Variants in PACSIN2 observed in about 807,000 individuals in gnomAD.
PACSIN2 encodes protein kinase C and casein kinase substrate in neurons 2.
PACSIN2 carries 25 observed loss-of-function variants against 63.8 expected under a neutral mutation model. That is an observed-to-expected ratio of 0.39 (90% CI 0.29 to 0.55). PACSIN2 has a LOEUF of 0.55. PACSIN2 is among the 20% of genes least tolerant of loss of function. The pLI is 0.62. For synonymous variants in PACSIN2, 255 were observed against 256.2 expected (o/e 1.00, Z 0.05); for missense variants, 518 against 646.9 (o/e 0.80, Z 2.16).
intron 1 of PACSIN2, among the ~76,000 whole-genome samples, chr22:43,012,633 T>C (rs1040742043): frequency 5.9e-5 from 9 of 151,760 alleles, no homozygotes; most frequent in African/African-American, 2.2e-4. Flanking sequence ...ATTACACGTG[T>C]GCACCACTAC....
chr22:42,976,718 A>G (rs891335656), intron 1 of PACSIN2, among the ~76,000 whole-genome samples: 8 of 152,352 alleles, frequency 5.3e-5, no homozygotes, highest in African/African-American at 1.9e-4. Flanking sequence ...CTGAGCACTT[A>G]TTATGCACCA....
At chr22:42,998,284 T>C (rs1407247181) in intron 1 of PACSIN2, among the ~76,000 whole-genome samples, 3 of 152,222 alleles carry the variant, frequency 2.0e-5, no homozygotes, top group Non-Finnish European at 4.4e-5. Flanking sequence ...TCTTTGCTGC[T>C]GCAGGGATTT....
In PACSIN2 at chr22:42,893,484, G is replaced by A. The variant is rs1569232586; in HGVS notation, c.190C>T (p.Arg64Trp). The A allele has an allele frequency of 6.2e-6, 10 of 1,613,742 alleles. No homozygotes were observed. The highest frequency in any genetic ancestry group is 1.3e-5 in the African/African-American group (1 of 75,064). ...TTCTCCACGAGCTGCCTCCAGCGCCGGGCCCACTCAGTGAGCTGCTGCGCA... is the reference window on the plus strand; with the variant it reads ...TTCTCCACGAGCTGCCTCCAGCGCCAGGCCCACTCAGTGAGCTGCTGCGCA... ...AYAQQLTEWA[R>W]RWRQLVEKGP... Residue 64 changes from arginine to tryptophan, a missense_variant, in exon 3 of 11, where the codon CGG becomes TGG. Coordinates refer to ENST00000263246, the MANE Select transcript of PACSIN2 (RefSeq NM_001184970.3).
At chr22:42,940,632 TC>T (rs1234510903) in intron 1 of PACSIN2, among the ~76,000 whole-genome samples, 1 of 152,164 alleles carries the variant, frequency 6.6e-6, no homozygotes, top group Non-Finnish European at 1.5e-5. Flanking sequence ...GTCCTGGGTT[TC>T]CCTATACCCA....
intron 1 of PACSIN2, among the ~76,000 whole-genome samples, chr22:42,936,917 A>AG (rs34212391): frequency 0.015 from 1,773 of 117,062 alleles, 16 homozygotes; most frequent in African/African-American, 0.033. Context: ...CCTCAAAAAA[A>AG]GGGGGGGGGG....
intron 1 of PACSIN2, among the ~76,000 whole-genome samples, chr22:42,944,061 G>A (rs1247032835): frequency 1.3e-5 from 2 of 152,226 alleles, no homozygotes; most frequent in African/African-American, 4.8e-5. Flanking sequence ...GCCAGACTGT[G>A]TTGGTAGTCC....
intron 1 of PACSIN2, among the ~76,000 whole-genome samples, chr22:42,970,649 A>T (rs1480403179): frequency 6.6e-6 from 1 of 152,254 alleles, no homozygotes; most frequent in Non-Finnish European, 1.5e-5. Flanking sequence ...TCCTTTGCAA[A>T]AAGGAGTCAG....
At chr22:42,934,035 A>T (rs1269940116) in intron 1 of PACSIN2, among the ~76,000 whole-genome samples, 1 of 152,250 alleles carries the variant, frequency 6.6e-6, no homozygotes, top group Non-Finnish European at 1.5e-5. Flanking sequence ...AAGAACAGCC[A>T]GTTCTTTAAC....
At chr22:42,887,374 T>G (rs573602679) in intron 5 of PACSIN2, among the ~76,000 whole-genome samples, 1 of 152,342 alleles carries the variant, frequency 6.6e-6, no homozygotes, top group South Asian at 2.1e-4. Flanking sequence ...GGATGGCACG[T>G]GACTTAACCT....
chr22:42,898,282 T>C (rs1447696253), intron 2 of PACSIN2, among the ~76,000 whole-genome samples: 1 of 151,468 alleles, frequency 6.6e-6, no homozygotes, highest in East Asian at 1.9e-4. Flanking sequence ...CTTTTCTTTT[T>C]TTTTTTTTGA....
intron 3 of PACSIN2, among the ~76,000 whole-genome samples, chr22:42,893,194 T>C (rs1045717436): frequency 2.6e-5 from 4 of 152,188 alleles, no homozygotes; most frequent in African/African-American, 9.7e-5. Context: ...ACTCGGCAAG[T>C]GCAAGTGTGT....
intron 2 of PACSIN2, among the ~76,000 whole-genome samples, chr22:42,909,817 C>T (rs1484855673): frequency 6.6e-6 from 1 of 152,190 alleles, no homozygotes; most frequent in Non-Finnish European, 1.5e-5. Context: ...TATTTAGCTA[C>T]ATAATTTTCC....
At chr22:42,927,580 T>G (rs9607983) in intron 1 of PACSIN2, among the ~76,000 whole-genome samples, 41,573 of 150,318 alleles carry the variant, frequency 0.28, 6,222 homozygotes, top group Non-Finnish European at 0.34. Context: ...TATTTAGTTA[T>G]TTAGTTATTT....
chr22:42,991,050 T>A (rs1446312556), intron 1 of PACSIN2, among the ~76,000 whole-genome samples: 1 of 152,104 alleles, frequency 6.6e-6, no homozygotes, highest in Non-Finnish European at 1.5e-5. Flanking sequence ...TCCATCACTT[T>A]TAGGTGCTGG....
At chr22:42,940,991 T>C (rs1203074152) in intron 1 of PACSIN2, among the ~76,000 whole-genome samples, 1 of 152,226 alleles carries the variant, frequency 6.6e-6, no homozygotes, top group Non-Finnish European at 1.5e-5. Context: ...ACAATCATTT[T>C]AGAACATTTT....
chr22:42,924,914 GC>G (rs1280405361), intron 1 of PACSIN2, among the ~76,000 whole-genome samples: 1 of 151,724 alleles, frequency 6.6e-6, no homozygotes, highest in Non-Finnish European at 1.5e-5. Context: ...CTGCCACTAC[GC>G]CCAGCTAATT....
chr22:42,885,518 T>C (rs544015098), intron 5 of PACSIN2, among the ~76,000 whole-genome samples: 6 of 152,136 alleles, frequency 3.9e-5, no homozygotes, highest in African/African-American at 7.2e-5. Context: ...TGAGGAAGGA[T>C]GGAGCGCTTC....
chr22:42,968,807 C>T (rs1383707016), intron 1 of PACSIN2, among the ~76,000 whole-genome samples: 1 of 152,228 alleles, frequency 6.6e-6, no homozygotes, highest in Non-Finnish European at 1.5e-5. Flanking sequence ...GAACCCCAAG[C>T]TTGCCAGCCT....
At chr22:42,988,319 T>G (rs1438367625) in intron 1 of PACSIN2, among the ~76,000 whole-genome samples, 3 of 152,038 alleles carry the variant, frequency 2.0e-5, no homozygotes, top group Non-Finnish European at 4.4e-5. Flanking sequence ...CAGACAGCTG[T>G]GGGATGTGTG....
Sources: allele counts gnomAD v4.1 joint callset (sites outside exome capture counted in the v4.1 genomes callset), GRCh38; gene constraint gnomAD v4.1.1; transcripts MANE v1.5; gene names NCBI Gene and HGNC (gene_info 2026-07-23, HGNC 2026-07-21).